The following CDS2 variants were observed in gnomAD, a reference collection of about 807,000 sequenced individuals.
The protein encoded by CDS2 is phosphatidate cytidylyltransferase 2.
CDS2 carries 47 observed loss-of-function variants against 59.0 expected under a neutral mutation model. The ratio of observed to expected loss-of-function variants is 0.80; its 90% CI spans 0.63 to 1.02. The LOEUF (loss-of-function observed/expected upper bound fraction) is 1.02, where lower values mean the gene tolerates loss of function less well. CDS2 is among the 50% of genes least tolerant of loss of function. The pLI is 0.00. For missense variants in CDS2, 356 were observed against 558.9 expected, an observed-to-expected ratio of 0.64 and a Z score of 3.66; for synonymous variants, 207 against 206.4, an observed-to-expected ratio of 1.00 and a Z score of -0.02.
chr20:5,185,878 A>C (rs570019566), intron 9 of CDS2, 52 bp downstream of exon 9: 1 of 1,521,956 alleles, frequency 6.6e-7, no homozygotes, highest in Admixed American at 1.7e-5. Flanking sequence ...GAGGCCTCAT[A>C]CCACCTTCCA....
rs1007533351 is a variant in CDS2 at position 5,190,988 on chromosome 20, T to C, written c.*754T>C. The C allele has an allele frequency of 4.6e-5, 7 of 152,668 alleles. No homozygotes were observed. Among genetic ancestry groups the C allele is most frequent in the Admixed American group, 2.6e-4 (4 of 15,286 alleles). 9.5% of individuals were successfully genotyped at this position (152,668 alleles called of 1,614,324 possible). ...TCCCACATGTCTAGGCTCCAATGTCTCCTGTAGGTCCACCTAACTGTGTGT... is the reference window on the plus strand; with the variant it reads ...TCCCACATGTCTAGGCTCCAATGTCCCCTGTAGGTCCACCTAACTGTGTGT... On this transcript the variant is annotated 3_prime_UTR_variant, in exon 13 of 13. Coordinates refer to ENST00000460006, the MANE Select transcript of CDS2 (RefSeq NM_003818.4).
In CDS2 at chr20:5,191,794, T is replaced by C. The variant is rs1189844915; in HGVS notation, c.*1560T>C. ...TCTTTCCGCTGAACTTTTATTTCCA[T>C]TTCAGCCTCGTGGCTTCTCTTATTC... On this transcript the variant is annotated 3_prime_UTR_variant, in exon 13 of 13. Transcript: ENST00000460006. 6.6e-6 allele frequency: 1 copy of C among 152,202 alleles called. No homozygotes were observed. Among genetic ancestry groups the C allele is most frequent in the African/African-American group, 2.4e-5 (1 of 41,448 alleles). 9.4% of individuals were successfully genotyped at this position (152,202 alleles called of 1,614,324 possible). A position where few individuals can be genotyped will look rare whatever the true frequency, so the allele number is the denominator to read the frequency against.
At chr20:5,176,257 T>TA (rs527428937) in intron 3 of CDS2, 123 of 162,848 alleles carry the variant, frequency 7.6e-4, no homozygotes, top group South Asian at 1.6e-3. Flanking sequence ...CGTCTCTACT[T>TA]AAAAAAAAAA....
chr20:5,130,599 T>G lies in CDS2; in HGVS notation c.57+3450T>G, dbSNP rs928197361. Among the ~76,000 whole-genome samples the G allele has an allele frequency of 2.7e-5, 4 of 148,352 alleles. No individual in the cohort carries two copies. The Admixed American group carries it at 2.7e-4, about 10-fold the overall frequency. The stretch of plus-strand genomic sequence containing the variant: ...CGAGACCAGCCTGACCAACGGGGTT[T>G]TAGTAGAAACCCCGTCTCTACTAAA... On this transcript the variant is annotated intron_variant, in intron 1 of 12. Coordinates refer to ENST00000460006, the MANE Select transcript of CDS2 (RefSeq NM_003818.4).
intron 3 of CDS2, chr20:5,175,494 A>C (rs907481910): frequency 2.1e-5 from 10 of 468,708 alleles, no homozygotes; most frequent in African/African-American, 6.0e-5. Context: ...AAGATGTCTC[A>C]GTGTCTTTTC....
At chr20:5,186,264 T>C (rs1025487382) in intron 9 of CDS2, among the ~76,000 whole-genome samples, 26 of 152,204 alleles carry the variant, frequency 1.7e-4, no homozygotes, top group African/African-American at 6.3e-4. Context: ...CCTTCAGTGC[T>C]CACCGCCCAG....
At chr20:5,171,814 C>T (rs1004044818) in intron 1 of CDS2, among the ~76,000 whole-genome samples, 2 of 152,130 alleles carry the variant, frequency 1.3e-5, no homozygotes, top group African/African-American at 4.8e-5. Flanking sequence ...TTATCCAGAG[C>T]CACCTGTCTC....
intron 1 of CDS2, among the ~76,000 whole-genome samples, chr20:5,139,833 C>CTAT (rs1555780437): frequency 6.9e-6 from 1 of 144,626 alleles, no homozygotes; most frequent in African/African-American, 2.6e-5. Flanking sequence ...GAGTCTCACT[C>CTAT]TATTGCCCAG....
intron 1 of CDS2, among the ~76,000 whole-genome samples, chr20:5,151,443 A>G (rs1410709204): frequency 6.6e-6 from 1 of 152,194 alleles, no homozygotes; most frequent in Non-Finnish European, 1.5e-5. Context: ...ACTACATTTA[A>G]TTCAAAGTTA....
At chr20:5,160,191 G>T (rs1302641414) in intron 1 of CDS2, among the ~76,000 whole-genome samples, 1 of 152,174 alleles carries the variant, frequency 6.6e-6, no homozygotes, top group Non-Finnish European at 1.5e-5. Context: ...TAAAAGAAAG[G>T]CAGGGGAGAG....
At chr20:5,150,732 A>G (rs1191088130) in intron 1 of CDS2, among the ~76,000 whole-genome samples, 1 of 152,044 alleles carries the variant, frequency 6.6e-6, no homozygotes, top group African/African-American at 2.4e-5. Flanking sequence ...CTCCCACCCC[A>G]TTTCCTCATC....
chr20:5,176,625 A>T lies in CDS2; in HGVS notation c.292-23A>T, dbSNP rs189500003. Reference sequence around the variant, plus strand: ...CAAAAATCATAAGAATTGGGGTGTCAGTGAATGTTTTGTGTCCCGCAGGTG... The same window carrying T: ...CAAAAATCATAAGAATTGGGGTGTCTGTGAATGTTTTGTGTCCCGCAGGTG... On this transcript the variant is annotated intron_variant, in intron 3 of 12. Transcript: ENST00000460006. 4.9e-5 allele frequency: 77 copies of T among 1,565,406 alleles called. No homozygotes were observed. The African/African-American group carries it at 7.7e-4, about 16-fold the overall frequency.
chr20:5,143,916 C>T (rs1435249108), intron 1 of CDS2, among the ~76,000 whole-genome samples: 4 of 151,942 alleles, frequency 2.6e-5, no homozygotes, highest in Admixed American at 1.3e-4. Flanking sequence ...AGGACTGTGC[C>T]ACCATGCTCT....
At position 5,190,098 on chromosome 20, in the gene CDS2, C is replaced by A. The variant is rs186659276; in HGVS notation, c.1206-4C>A. On this transcript the variant is annotated splice_polypyrimidine_tract_variant and splice_region_variant and intron_variant, in intron 12 of 12. Coordinates refer to ENST00000460006, the MANE Select transcript of CDS2 (RefSeq NM_003818.4). ...CAGTGCTGTTTCTTCACATTCTGTTCCAGAGGCCCTAACCCAAGCAAACTG... is the reference window on the plus strand; with the variant it reads ...CAGTGCTGTTTCTTCACATTCTGTTACAGAGGCCCTAACCCAAGCAAACTG... 223 of 1,613,794 alleles carry A rather than the reference C, an allele frequency of 1.4e-4. No individual in the cohort carries two copies. In the African/African-American group the frequency reaches 2.4e-3, roughly 17 times the overall value.
At chr20:5,176,845 G>T (rs527752476) in intron 4 of CDS2, 100 bp downstream of exon 4, 1 of 822,734 alleles carries the variant, frequency 1.2e-6, no homozygotes, top group Admixed American at 1.8e-5. Context: ...TTGCTATAGA[G>T]ATAAATGCTG....
chr20:5,176,848 A>G, intron 4 of CDS2, 103 bp downstream of exon 4: 2 of 816,868 alleles, frequency 2.4e-6, no homozygotes, highest in Non-Finnish European at 4.3e-6. Context: ...CTATAGAGAT[A>G]AATGCTGGAG....
intron 1 of CDS2, among the ~76,000 whole-genome samples, chr20:5,166,852 C>T (rs1174005177): frequency 2.0e-5 from 3 of 152,170 alleles, no homozygotes; most frequent in African/African-American, 7.2e-5. Context: ...GAATGATGCA[C>T]AGCCAGGGAG....
chr20:5,140,276 T>A (rs1453806391), intron 1 of CDS2, among the ~76,000 whole-genome samples: 1 of 152,242 alleles, frequency 6.6e-6, no homozygotes, highest in Non-Finnish European at 1.5e-5. Flanking sequence ...ATGGTATTCT[T>A]AGATAAGTGC....
intron 1 of CDS2, among the ~76,000 whole-genome samples, chr20:5,172,729 AT>A (rs2090965316): frequency 6.6e-6 from 1 of 152,140 alleles, no homozygotes; most frequent in African/African-American, 2.4e-5. Flanking sequence ...ACTCTAAGTG[AT>A]TTACTTTCTC....
Sources: allele counts gnomAD v4.1 joint callset (sites outside exome capture counted in the v4.1 genomes callset), GRCh38; gene constraint gnomAD v4.1.1; transcripts MANE v1.5; gene names NCBI Gene and HGNC (gene_info 2026-07-23, HGNC 2026-07-21).